The following ZNF140 variants were observed in gnomAD, a reference collection of about 807,000 sequenced individuals.
ZNF140 encodes the protein zinc finger protein 140.
Under a neutral mutation model 12.9 loss-of-function variants are expected in ZNF140, and 13 were observed. That is an observed-to-expected ratio of 1.01 (90% CI 0.66 to 1.60). The LOEUF is 1.60. Among genes scored for constraint, ZNF140 ranks in the 40% most tolerant of loss-of-function variants. The probability of loss-of-function intolerance (pLI) is 0.00; values close to 1 mark genes in which losing one functional copy is unlikely to be tolerated. For synonymous variants in ZNF140, 214 were observed against 186.7 expected (o/e 1.15, Z -1.19); for missense variants, 531 against 548.8 (o/e 0.97, Z 0.32).
rs58598489 is a variant in ZNF140, at chr12:133,080,967, T to C, written c.-154T>C. 0.16 allele frequency: 25,311 copies of C among 159,886 alleles called. 2,109 individuals are homozygous for C. The highest frequency in any genetic ancestry group is 0.23 in the South Asian group (1,444 of 6,352). The allele number at this position is 159,886 out of a possible 1,614,324, so 9.9% of individuals were successfully genotyped here. On this transcript the variant is annotated 5_prime_UTR_variant, in exon 1 of 5. Coordinates refer to ENST00000355557, the MANE Select transcript of ZNF140 (RefSeq NM_003440.4). The stretch of plus-strand genomic sequence containing the variant: ...TAGGCAACGAAAGGAGCCCTCCCGG[T>C]CTGCGCCGGATGGCCCCGGGCGGTG...
intron 4 of ZNF140, among the ~76,000 whole-genome samples, chr12:133,089,860 T>G (rs1298946597): frequency 2.0e-5 from 3 of 152,032 alleles, no homozygotes; most frequent in Non-Finnish European, 4.4e-5. Context: ...GTGCTTTTTT[T>G]TTTTTTTGAG....
rs1489925949 is a variant in ZNF140 at position 133,094,041 on chromosome 12, T to C, written c.232+10480T>C. 2.6e-5 allele frequency among the ~76,000 whole-genome samples: 4 copies of C among 151,386 alleles called. 1 individual carries two copies. The East Asian group carries it at 7.8e-4, about 29-fold the overall frequency. Reference sequence around the variant, plus strand: ...TTTCTCTCTGTTGGTCTTTCCCAAATAATGAAAAGGAGTGGAGGTCTGAAT... The same window carrying C: ...TTTCTCTCTGTTGGTCTTTCCCAAACAATGAAAAGGAGTGGAGGTCTGAAT... On this transcript the variant is annotated intron_variant, in intron 4 of 4. Transcript: ENST00000355557.
At chr12:133,095,339 A>G (rs142694056) in intron 4 of ZNF140, among the ~76,000 whole-genome samples, 1 of 151,090 alleles carries the variant, frequency 6.6e-6, no homozygotes, top group Non-Finnish European at 1.5e-5. Context: ...GTTACCCTGG[A>G]TTCCTCCGAG....
At chr12:133,090,786 C>CA (rs1161019114) in intron 4 of ZNF140, among the ~76,000 whole-genome samples, 2 of 140,306 alleles carry the variant, frequency 1.4e-5, no homozygotes, top group Non-Finnish European at 1.6e-5. Flanking sequence ...AGAAGGTCAG[C>CA]AAAAAACATG....
At chr12:133,096,146 A>C (rs1184921242) in intron 4 of ZNF140, among the ~76,000 whole-genome samples, 3 of 150,570 alleles carry the variant, frequency 2.0e-5, no homozygotes, top group East Asian at 1.9e-4. Context: ...CCCCGCTTCC[A>C]AGGGCAGAGG....
At chr12:133,082,412 GC>G in intron 2 of ZNF140, 1 of 152,346 alleles carries the variant, frequency 6.6e-6, no homozygotes, top group African/African-American at 2.4e-5. Flanking sequence ...TCCCATTCAT[GC>G]CTTATAGATC....
At chr12:133,101,896 T>G (rs1041383029) in intron 4 of ZNF140, among the ~76,000 whole-genome samples, 115 of 152,352 alleles carry the variant, frequency 7.5e-4, no homozygotes, top group African/African-American at 2.6e-3. Flanking sequence ...GTTCCTGGAC[T>G]GATAATTCCA....
At chr12:133,095,804 T>G (rs1309271268) in intron 4 of ZNF140, among the ~76,000 whole-genome samples, 6 of 151,968 alleles carry the variant, frequency 3.9e-5, no homozygotes, top group Admixed American at 2.6e-4. Flanking sequence ...TAATCCAGAT[T>G]TATGTTTCTC....
chr12:133,096,346 G>GC (rs1290468341), intron 4 of ZNF140, among the ~76,000 whole-genome samples: 1 of 152,068 alleles, frequency 6.6e-6, no homozygotes, highest in Non-Finnish European at 1.5e-5. Context: ...AGTGGCTGGG[G>GC]AAAGCTACAA....
chr12:133,106,680 G>A lies in ZNF140; in HGVS notation c.*29G>A, dbSNP rs766335959. 2.0e-6 allele frequency: 3 copies of A among 1,512,798 alleles called. No homozygotes were observed. Among genetic ancestry groups the A allele is most frequent in the South Asian group, 1.3e-5 (1 of 75,546 alleles). The allele number at this position is 1,512,798 out of a possible 1,614,324, so 93.7% of individuals were successfully genotyped here. ...TACACTGCAAAGAAAAACTATGAAT[G>A]TATGGAATTTTTTAAAAAGAAGTAT... On this transcript the variant is annotated 3_prime_UTR_variant, in exon 5 of 5. Transcript: ENST00000355557.
intron 4 of ZNF140, among the ~76,000 whole-genome samples, chr12:133,089,463 C>T (rs1364924359): frequency 6.6e-6 from 1 of 152,178 alleles, no homozygotes; most frequent in Non-Finnish European, 1.5e-5. Flanking sequence ...ATCTGCCCAC[C>T]TTGGCCTCCC....
intron 2 of ZNF140, chr12:133,082,281 T>C (rs1460872266): frequency 1.3e-5 from 2 of 152,260 alleles, no homozygotes; most frequent in Non-Finnish European, 2.9e-5. Context: ...CAGATCTTGC[T>C]GTGTAGGAAA....
In ZNF140 at chr12:133,088,126, T is replaced by TA. The variant is rs112836102; in HGVS notation, c.232+4577dup. 1.6e-3 allele frequency among the ~76,000 whole-genome samples: 223 copies of TA among 137,672 alleles called. 3 individuals carry two copies. Among genetic ancestry groups the TA allele is most frequent in the Middle Eastern group, 7.4e-3 (2 of 270 alleles). The allele number at this position is 137,672 out of a possible 152,430, so 90.3% of individuals were successfully genotyped here. ...GCCTGGGCGACAGCAAGACTCTGTC[T>TA]AAAAAAAAAAAAGAAAGAAAAAGGA... On this transcript the variant is annotated intron_variant, in intron 4 of 4. Transcript: ENST00000355557.
intron 4 of ZNF140, among the ~76,000 whole-genome samples, chr12:133,099,122 G>A (rs1955239056): frequency 6.6e-6 from 1 of 151,680 alleles, no homozygotes; most frequent in African/African-American, 2.4e-5. Flanking sequence ...TGATCTGCCC[G>A]CCTCGGCCTC....
rs1320150673 is a variant in ZNF140, at chr12:133,106,235, C to T, written c.958C>T (p.Gln320Ter). The part of the protein sequence containing the change: ...FRRFSHLTRH[Q>*]SIHTTKTPYE... ...CCGTTTCTCACACCTTACTCGACAT[C>T]AGAGCATCCATACAACCAAAACCCC... Residue 320 changes from glutamine (Q) to a stop codon, truncating the protein, a stop_gained, in exon 5 of 5, where the codon CAG (glutamine) becomes TAG (stop). Coordinates refer to ENST00000355557, the MANE Select transcript of ZNF140 (RefSeq NM_003440.4). LOFTEE classifies it low-confidence loss of function (END_TRUNC). 1.2e-6 allele frequency: 2 copies of T among 1,614,216 alleles called. No homozygotes were observed. Among genetic ancestry groups the T allele is most frequent in the Non-Finnish European group, 8.5e-7 (1 of 1,180,036 alleles).
At chr12:133,102,640 T>G (rs1040662796) in intron 4 of ZNF140, among the ~76,000 whole-genome samples, 2 of 151,718 alleles carry the variant, frequency 1.3e-5, no homozygotes, top group Non-Finnish European at 2.9e-5. Flanking sequence ...TCCCAGCTAC[T>G]CGGGAGGCTG....
At chr12:133,082,966 A>G in intron 2 of ZNF140, 137 bp from the exon 3 acceptor site, 1 of 1,295,292 alleles carries the variant, frequency 7.7e-7, no homozygotes, top group Non-Finnish European at 1.1e-6. Flanking sequence ...TTATATAATT[A>G]CTCAGAATTC....
chr12:133,087,315 A>T (rs1467984877), intron 4 of ZNF140, among the ~76,000 whole-genome samples: 4 of 151,766 alleles, frequency 2.6e-5, no homozygotes, highest in African/African-American at 4.8e-5. Context: ...AAAAAAAAGG[A>T]TCAGCAAGTT....
chr12:133,081,628 G>A, intron 2 of ZNF140: 1 of 452,306 alleles, frequency 2.2e-6, no homozygotes, highest in Non-Finnish European at 4.4e-6. Context: ...TTATACTTAA[G>A]TATACATGAA....
Sources: gnomAD v4.1 joint callset for allele counts (sites outside exome capture counted in the v4.1 genomes callset) on GRCh38, gnomAD v4.1.1 for gene constraint, MANE v1.5 for transcripts, NCBI Gene and HGNC (gene_info 2026-07-23, HGNC 2026-07-21) for gene names.